Variants in RNF175 observed in about 807,000 individuals in gnomAD.
RNF175 encodes ring finger protein 175.
A neutral mutation model predicts 50.0 loss-of-function variants in RNF175; 38 were observed. The observed-to-expected ratio is 0.76, with a 90% CI of 0.59 to 1.00. RNF175 has a LOEUF of 1.00. RNF175 is among the 50% of genes least tolerant of loss of function. The pLI is 0.00. For synonymous variants in RNF175, 155 were observed against 146.1 expected (o/e 1.06, Z -0.44); for missense variants, 388 against 409.6 (o/e 0.95, Z 0.46).
intron 3 of RNF175, among the ~76,000 whole-genome samples, chr4:153,742,910 T>C (rs2127148463): frequency 6.6e-6 from 1 of 152,012 alleles, no homozygotes; most frequent in East Asian, 1.9e-4. Flanking sequence ...AATTTCACTA[T>C]GTAGCCCCTT....
At chr4:153,726,058 G>A (rs1394635991) in intron 4 of RNF175, among the ~76,000 whole-genome samples, 1 of 149,908 alleles carries the variant, frequency 6.7e-6, no homozygotes, top group African/African-American at 2.5e-5. Flanking sequence ...CCAGCTCTTT[G>A]TGGCTAGTGT....
At chr4:153,755,584 A>C (rs1480032529) in intron 1 of RNF175, among the ~76,000 whole-genome samples, 1 of 151,664 alleles carries the variant, frequency 6.6e-6, no homozygotes, top group East Asian at 1.9e-4. Flanking sequence ...TAAAAAAAAA[A>C]CCTCAAAGAC....
At chr4:153,720,337 T>C (rs1439166) in intron 5 of RNF175, 33 bp from the exon 6 acceptor site, 916,680 of 1,593,066 alleles carry the variant, frequency 0.58, 272,537 homozygotes, top group Non-Finnish European at 0.62. Context: ...GAAATAAGAA[T>C]GTGGCATATT....
At chr4:153,734,336 C>T (rs188273509) in intron 3 of RNF175, among the ~76,000 whole-genome samples, 2 of 152,312 alleles carry the variant, frequency 1.3e-5, no homozygotes, top group East Asian at 3.9e-4. Flanking sequence ...TGCTACTCCA[C>T]ATTGTCATCA....
At chr4:153,721,859 G>C (rs1054052773) in intron 5 of RNF175, among the ~76,000 whole-genome samples, 7 of 152,120 alleles carry the variant, frequency 4.6e-5, no homozygotes, top group Non-Finnish European at 1.0e-4. Context: ...AGACATTACA[G>C]TGTCTTTCTA....
At chr4:153,740,940 T>C (rs918660150) in intron 3 of RNF175, among the ~76,000 whole-genome samples, 1 of 152,216 alleles carries the variant, frequency 6.6e-6, no homozygotes, top group African/African-American at 2.4e-5. Flanking sequence ...TTTCCACTAG[T>C]GTCCTTGTTT....
chr4:153,752,404 C>T (rs1740337620), intron 1 of RNF175, among the ~76,000 whole-genome samples: 1 of 152,168 alleles, frequency 6.6e-6, no homozygotes, highest in African/African-American at 2.4e-5. Flanking sequence ...GGTGGGATCA[C>T]CTGGGGGCAG....
chr4:153,756,964 A>T (rs780546096), intron 1 of RNF175, among the ~76,000 whole-genome samples: 1 of 152,088 alleles, frequency 6.6e-6, no homozygotes, highest in Non-Finnish European at 1.5e-5. Context: ...TGTTCCCATT[A>T]AAGGTAGACT....
intron 3 of RNF175, among the ~76,000 whole-genome samples, chr4:153,728,750 A>T (rs929811197): frequency 6.6e-6 from 1 of 152,110 alleles, no homozygotes; most frequent in Non-Finnish European, 1.5e-5. Flanking sequence ...ATCAAACGAG[A>T]TCAGGAATGG....
At chr4:153,745,491 T>A (rs1209070413) in intron 3 of RNF175, among the ~76,000 whole-genome samples, 1 of 152,248 alleles carries the variant, frequency 6.6e-6, no homozygotes, top group African/African-American at 2.4e-5. Context: ...TTGCTCCATG[T>A]TGCTGAAGTC....
At chr4:153,726,531 G>T (rs1169555213) in intron 4 of RNF175, among the ~76,000 whole-genome samples, 1 of 152,208 alleles carries the variant, frequency 6.6e-6, no homozygotes, top group Non-Finnish European at 1.5e-5. Context: ...AAGAGAAATA[G>T]TAGGCTTTGA....
In RNF175 at chr4:153,759,958, G is replaced by A; in HGVS notation, c.-96C>T. 1.4e-6 allele frequency: 1 copy of A among 703,516 alleles called. No individual in the cohort carries two copies. Among genetic ancestry groups the A allele is most frequent in the East Asian group, 3.5e-5 (1 of 28,684 alleles). The allele number at this position is 703,516 out of a possible 1,614,324, so 43.6% of individuals were successfully genotyped here. The stretch of plus-strand genomic sequence containing the variant: ...GGCGCCGCGGGGCCTCGGGAGCCGA[G>A]GGTGAGAGCCGGATCTGCGGCGGCG... On this transcript the variant is annotated 5_prime_UTR_variant, in exon 1 of 9. Transcript: ENST00000347063.
intron 2 of RNF175, among the ~76,000 whole-genome samples, chr4:153,749,718 G>T (rs1216995763): frequency 6.6e-6 from 1 of 152,112 alleles, no homozygotes; most frequent in African/African-American, 2.4e-5. Context: ...ACACTGGGAA[G>T]CTTTAAAAAA....
chr4:153,718,237 T>TTTTTTTTTTTTTTTTTTTTTTTTTC (rs1738102091), intron 6 of RNF175, among the ~76,000 whole-genome samples: 1 of 106,410 alleles, frequency 9.4e-6, no homozygotes, highest in Non-Finnish European at 2.0e-5. Flanking sequence ...TTTGTTTGTT[T>TTTTTTTTTTTTTTTTTTTTTTTTTC]GTTTTTTTTT....
At chr4:153,756,822 C>T (rs184110667) in intron 1 of RNF175, among the ~76,000 whole-genome samples, 2 of 152,292 alleles carry the variant, frequency 1.3e-5, no homozygotes, top group Admixed American at 1.3e-4. Context: ...TAAAGAATTA[C>T]CAGCAGAGGG....
chr4:153,759,725 C>G (rs994604258), intron 1 of RNF175, 72 bp downstream of exon 1: 18 of 1,054,542 alleles, frequency 1.7e-5, no homozygotes, highest in Admixed American at 6.5e-5. Flanking sequence ...GTCTGTGCAG[C>G]CTGCCCGGCA....
intron 7 of RNF175, chr4:153,714,094 A>G (rs912352348): frequency 6.6e-6 from 1 of 152,346 alleles, no homozygotes; most frequent in Admixed American, 6.5e-5. Context: ...AGGTGACTAC[A>G]TTTTAGATTA....
chr4:153,735,367 T>A (rs1339122519), intron 3 of RNF175, among the ~76,000 whole-genome samples: 1 of 152,196 alleles, frequency 6.6e-6, no homozygotes, highest in East Asian at 1.9e-4. Flanking sequence ...GTGGGCTCTC[T>A]ATTCTGTTCC....
chr4:153,759,814 G>T lies in RNF175; in HGVS notation c.49C>A (p.Pro17Thr), dbSNP rs998525482. The T allele has an allele frequency of 6.8e-7, 1 of 1,477,384 alleles. No homozygotes were observed. Among genetic ancestry groups the T allele is most frequent in the Non-Finnish European group, 8.9e-7 (1 of 1,122,206 alleles). The allele number at this position is 1,477,384 out of a possible 1,614,324, so 91.5% of individuals were successfully genotyped here. ...GCCAGTACCTGCTCCTGCTGCGGGG[G>T]GGCCTCCAGCACCGGCGCTGCCTTC... ...ARKAAPVLEA[P>T]PQQEQLSHTK... Residue 17 changes from proline (P) to threonine (T), a missense_variant, in exon 1 of 9, where the codon CCC becomes ACC. Coordinates refer to ENST00000347063, the MANE Select transcript of RNF175 (RefSeq NM_173662.4).
Sources: allele counts gnomAD v4.1 joint callset (sites outside exome capture counted in the v4.1 genomes callset), GRCh38; gene constraint gnomAD v4.1.1; transcripts MANE v1.5; gene names NCBI Gene and HGNC (gene_info 2026-07-23, HGNC 2026-07-21).